Variants in MTSS1 observed in about 807,000 individuals in gnomAD.
The protein encoded by MTSS1 is protein MTSS 1.
Under a neutral mutation model 79.0 loss-of-function variants are expected in MTSS1, and 18 were observed. The ratio of observed to expected loss-of-function variants is 0.23; its 90% CI spans 0.16 to 0.34. The LOEUF (loss-of-function observed/expected upper bound fraction) is 0.34, where lower values mean the gene tolerates loss of function less well. MTSS1 is among the 10% of genes least tolerant of loss of function. MTSS1 has a pLI of 1.00. For synonymous variants in MTSS1, 341 were observed against 368.6 expected (o/e 0.93, Z 0.86); for missense variants, 815 against 986.2 (o/e 0.83, Z 2.33).
In MTSS1 at chr8:124,727,476, C is replaced by T. The variant is rs1833887834; in HGVS notation, c.72+408G>A. The stretch of plus-strand genomic sequence containing the variant: ...GGCAGAGCCCCCACTTCCTCCCCAC[C>T]ACCGCGCCAGGCGCCCCCACCCCGT... On this transcript the variant is annotated intron_variant, in intron 1 of 13. Transcript: ENST00000518547. This position sits in a 1 kb window ranked among gnomAD's most constrained non-coding sequence, Gnocchi z 4.7. 1.6e-5 allele frequency: 7 copies of T among 447,906 alleles called. No homozygotes were observed. The highest frequency in any genetic ancestry group is 9.6e-5 in the South Asian group (6 of 62,484). 27.7% of individuals were successfully genotyped at this position (447,906 alleles called of 1,614,324 possible).
intron 3 of MTSS1, among the ~76,000 whole-genome samples, chr8:124,674,073 C>T (rs940386176): frequency 1.3e-5 from 2 of 152,170 alleles, no homozygotes; most frequent in Non-Finnish European, 2.9e-5. Context: ...CTTCCCTGAA[C>T]CTTTCCAAGA....
At chr8:124,694,772 G>A (rs1029016228) in intron 3 of MTSS1, among the ~76,000 whole-genome samples, 2 of 152,082 alleles carry the variant, frequency 1.3e-5, no homozygotes, top group Non-Finnish European at 2.9e-5. Context: ...GGATGTGAAG[G>A]AAGCAGAGAC....
At chr8:124,644,308 G>A (rs1818620282) in intron 3 of MTSS1, among the ~76,000 whole-genome samples, 1 of 152,180 alleles carries the variant, frequency 6.6e-6, no homozygotes, top group African/African-American at 2.4e-5. Context: ...AGATGAAAAA[G>A]TCTTGGTTCT....
intron 3 of MTSS1, among the ~76,000 whole-genome samples, chr8:124,613,399 C>T (rs910689458): frequency 2.0e-5 from 3 of 152,228 alleles, no homozygotes; most frequent in African/African-American, 7.2e-5. Context: ...AACACGCAAA[C>T]CTACAGCTGT....
At chr8:124,662,715 A>C (rs1245082085) in intron 3 of MTSS1, among the ~76,000 whole-genome samples, 1 of 116,684 alleles carries the variant, frequency 8.6e-6, no homozygotes, top group Non-Finnish European at 1.8e-5. Flanking sequence ...ATATTGGGGG[A>C]GGGGGTGGGA....
rs577090470 is a variant in MTSS1 at position 124,562,986 on chromosome 8, C to T, written c.831G>A (p.Leu277=). 7.5e-6 allele frequency: 12 copies of T among 1,606,356 alleles called. No homozygotes were observed. The African/African-American group carries it at 1.5e-4, about 20-fold the overall frequency. ...MSRKSSVCSS[L]NSVNSSDSRS... ...GGGAGTCACTGCTGTTGACACTGTT[C>T]AGGCTGCTGTGGAGGACAAGCAGGG... The change falls in exon 10 of 14, where the codon CTG becomes CTA. Residue 277 remains leucine, a synonymous_variant. Transcript: ENST00000518547.
chr8:124,624,079 C>G (rs10107725), intron 3 of MTSS1, among the ~76,000 whole-genome samples: 10 of 152,302 alleles, frequency 6.6e-5, no homozygotes, highest in African/African-American at 2.2e-4. Flanking sequence ...TGCTGTTACA[C>G]CAGCTTAAAA....
intron 1 of MTSS1, among the ~76,000 whole-genome samples, chr8:124,714,511 G>A (rs1440952736): frequency 6.6e-6 from 1 of 152,168 alleles, no homozygotes; most frequent in Non-Finnish European, 1.5e-5. Flanking sequence ...TGCCCAGGCT[G>A]GAGTGCAGTG....
At chr8:124,599,443 A>C (rs1243957235) in intron 3 of MTSS1, among the ~76,000 whole-genome samples, 3 of 149,200 alleles carry the variant, frequency 2.0e-5, no homozygotes, top group Non-Finnish European at 4.4e-5. Context: ...AGATCACGCC[A>C]CTGCACTCCA....
At chr8:124,593,348 T>C (rs749183850) in intron 3 of MTSS1, among the ~76,000 whole-genome samples, 62 of 152,228 alleles carry the variant, frequency 4.1e-4, no homozygotes, top group Non-Finnish European at 6.6e-4. Context: ...CAAAATGTGG[T>C]AGCGTCTATC....
chr8:124,569,539 AG>A (rs1827284785), intron 6 of MTSS1, among the ~76,000 whole-genome samples: 1 of 152,228 alleles, frequency 6.6e-6, no homozygotes, highest in Non-Finnish European at 1.5e-5. Context: ...AGGTGGGGAC[AG>A]CAGGGTGACA....
chr8:124,620,221 C>T (rs1813228291), intron 3 of MTSS1, among the ~76,000 whole-genome samples: 1 of 152,140 alleles, frequency 6.6e-6, no homozygotes, highest in South Asian at 2.1e-4. Context: ...GCTGGGATTA[C>T]AGGAATGAGC....
chr8:124,665,867 C>CAA (rs61669209), intron 3 of MTSS1, among the ~76,000 whole-genome samples: 6,463 of 102,744 alleles, frequency 0.063, 272 homozygotes, highest in East Asian at 0.17. Flanking sequence ...AACTCCTTCT[C>CAA]AAAAAAAAAA....
chr8:124,591,179 T>G lies in MTSS1; in HGVS notation c.265A>C (p.Ile89Leu), dbSNP rs1340590487. Residue 89 changes from isoleucine to leucine, a missense_variant, in exon 4 of 14, where the codon ATT becomes CTT. Transcript: ENST00000518547. ...GAAAACTGCCTCAGCTTGGCTTCAA[T>G]GCTTCTGTGCCTCATGCACATCCTG... ...LTRMCMRHRS[I>L]EAKLRQFSSA... 1 of 1,614,244 alleles carries G rather than the reference T, an allele frequency of 6.2e-7. No individual in the cohort carries two copies. The highest frequency in any genetic ancestry group is 1.1e-5 in the South Asian group (1 of 91,088).
intron 3 of MTSS1, among the ~76,000 whole-genome samples, chr8:124,628,288 G>A (rs1197134211): frequency 6.6e-6 from 1 of 152,180 alleles, no homozygotes; most frequent in Admixed American, 6.5e-5. Context: ...GCGAGTCTGA[G>A]CTCCAAGACA....
In MTSS1 at chr8:124,649,568, G is replaced by C. The variant is rs9656955; in HGVS notation, c.208+49958C>G. Reference sequence around the variant, plus strand: ...TCAGCCAAGACAGAGTACACAAAAAGCTCCCGGCACAGGCAAATTACTCCT... The same window carrying C: ...TCAGCCAAGACAGAGTACACAAAAACCTCCCGGCACAGGCAAATTACTCCT... On this transcript the variant is annotated intron_variant, in intron 3 of 13. Transcript: ENST00000518547. 6.6e-3 allele frequency among the ~76,000 whole-genome samples: 1,010 copies of C among 152,176 alleles called. 11 individuals carry two copies. Among genetic ancestry groups the C allele is most frequent in the African/African-American group, 0.022 (907 of 41,504 alleles).
At chr8:124,608,623 A>G (rs1163295560) in intron 3 of MTSS1, among the ~76,000 whole-genome samples, 1 of 152,210 alleles carries the variant, frequency 6.6e-6, no homozygotes, top group Non-Finnish European at 1.5e-5. Flanking sequence ...AGGCCTATGC[A>G]AACAGCTGTT....
chr8:124,631,068 A>G (rs4871524), intron 3 of MTSS1, among the ~76,000 whole-genome samples: 34,987 of 152,180 alleles, frequency 0.23, 5,381 homozygotes, highest in African/African-American at 0.44. Flanking sequence ...AGGAGGACTG[A>G]GAGCACTTGA....
chr8:124,584,948 A>G, intron 6 of MTSS1, 139 bp downstream of exon 6: 1 of 690,562 alleles, frequency 1.4e-6, no homozygotes. Flanking sequence ...ATGTGAACTC[A>G]GATAGGTCCT....
Sources: allele counts gnomAD v4.1 joint callset (sites outside exome capture counted in the v4.1 genomes callset), GRCh38; gene constraint gnomAD v4.1.1; non-coding constraint Gnocchi (gnomAD v3.1); transcripts MANE v1.5; gene names NCBI Gene and HGNC (gene_info 2026-07-23, HGNC 2026-07-21).